Variants in SUPT3H observed in about 807,000 individuals in gnomAD.
SUPT3H encodes SPT3 homolog, SAGA and STAGA complex component.
In SUPT3H, 44 loss-of-function variants were observed where a neutral mutation model predicts 44.3. The observed-to-expected ratio is 0.99, with a 90% CI of 0.78 to 1.28. The LOEUF (loss-of-function observed/expected upper bound fraction) is 1.28. Among genes scored for constraint, SUPT3H ranks in the 50% most tolerant of loss-of-function variants. The pLI is 0.00. For synonymous variants in SUPT3H, 124 were observed against 125.6 expected (o/e 0.99, Z 0.09); for missense variants, 380 against 387.1 (o/e 0.98, Z 0.15).
intron 2 of SUPT3H, among the ~76,000 whole-genome samples, chr6:45,314,813 A>G (rs1417172548): frequency 2.0e-5 from 3 of 152,190 alleles, no homozygotes; most frequent in Non-Finnish European, 4.4e-5. Flanking sequence ...GAACCAAAAA[A>G]GAGCCCACAT....
At position 45,168,651 on chromosome 6, in the gene SUPT3H, C is replaced by A. The variant is rs74867497; in HGVS notation, c.102-62645G>T. Among the ~76,000 whole-genome samples, 136 of 152,222 alleles carry A rather than the reference C, an allele frequency of 8.9e-4. 2 individuals are homozygous for A. The East Asian group carries it at 0.018, about 20-fold the overall frequency. On this transcript the variant is annotated intron_variant, in intron 2 of 10. Transcript: ENST00000371459. ...CATCTGTTTTTAAATTACTTATAAA[C>A]CCTGAGCCTAAATCTCTAATTCCAT...
chr6:44,817,130 C>CCA (rs113166419), intron 11 of SUPT3H, among the ~76,000 whole-genome samples: 38,756 of 140,620 alleles, frequency 0.28, 5,213 homozygotes, highest in Non-Finnish European at 0.31. Context: ...ACACACATGC[C>CCA]CACACACACG....
chr6:45,330,786 G>C (rs989720232), intron 2 of SUPT3H, among the ~76,000 whole-genome samples: 10 of 150,824 alleles, frequency 6.6e-5, no homozygotes, highest in African/African-American at 2.4e-4. Context: ...TTCCCTCCCC[G>C]CCAGCCCCCA....
chr6:44,998,562 C>G (rs1323417802), intron 6 of SUPT3H, among the ~76,000 whole-genome samples: 1 of 151,788 alleles, frequency 6.6e-6, no homozygotes, highest in South Asian at 2.1e-4. Flanking sequence ...TCCTTGAACT[C>G]TGGCAAATAA....
chr6:45,315,780 A>G (rs113473052), intron 2 of SUPT3H, among the ~76,000 whole-genome samples: 5,028 of 152,326 alleles, frequency 0.033, 121 homozygotes, highest in Non-Finnish European at 0.05. Context: ...ATTACTGGGT[A>G]TCTACCCTGA....
At chr6:45,068,576 C>G (rs1018825863) in intron 3 of SUPT3H, among the ~76,000 whole-genome samples, 1 of 152,082 alleles carries the variant, frequency 6.6e-6, no homozygotes, top group Non-Finnish European at 1.5e-5. Flanking sequence ...GAAAACATAA[C>G]ATGATTTGTT....
intron 2 of SUPT3H, among the ~76,000 whole-genome samples, chr6:45,315,931 AG>A (rs1784611165): frequency 7.9e-6 from 1 of 126,334 alleles, no homozygotes; most frequent in Non-Finnish European, 1.8e-5. Context: ...ACAGATAGAT[AG>A]ATAGATAGAT....
At chr6:44,870,798 G>A (rs1032515114) in intron 10 of SUPT3H, among the ~76,000 whole-genome samples, 1 of 150,986 alleles carries the variant, frequency 6.6e-6, no homozygotes, top group African/African-American at 2.4e-5. Flanking sequence ...CGCGCACCCT[G>A]CGCGAGCTGA....
intron 2 of SUPT3H, among the ~76,000 whole-genome samples, chr6:45,276,107 G>A (rs923846157): frequency 3.3e-5 from 5 of 151,656 alleles, no homozygotes; most frequent in East Asian, 3.9e-4. Context: ...TGCTAACAAC[G>A]CACTAAAATA....
rs573907667 is a variant in SUPT3H at position 45,332,284 on chromosome 6, T to G, written c.101+32917A>C. ...GCTGCTCACATGAAAACTGTGGTAA[T>G]ATTTTTATACTGTACTTCTTTGTTG... On this transcript the variant is annotated intron_variant, in intron 2 of 10. Coordinates refer to ENST00000371459, the MANE Select transcript of SUPT3H (RefSeq NM_003599.4). Among the ~76,000 whole-genome samples the G allele has an allele frequency of 4.6e-5, 7 of 151,862 alleles. No individual in the cohort carries two copies. In the South Asian group the frequency reaches 1.2e-3, roughly 27 times the overall value.
rs1245591291 is a variant in SUPT3H, at chr6:45,149,586, A to G, written c.102-43580T>C. On this transcript the variant is annotated intron_variant, in intron 2 of 10. Transcript: ENST00000371459. The stretch of plus-strand genomic sequence containing the variant: ...AAAATTATCTCTCCAATGCTTAAGT[A>G]GAAGAAAAGCTGAAATCACATAAAA... Among the ~76,000 whole-genome samples the G allele has an allele frequency of 2.0e-5, 3 of 152,186 alleles. No homozygotes were observed. In the East Asian group the frequency reaches 5.8e-4, roughly 29 times the overall value.
chr6:44,968,730 A>G (rs1257186900), intron 6 of SUPT3H, among the ~76,000 whole-genome samples: 1 of 152,130 alleles, frequency 6.6e-6, no homozygotes, highest in African/African-American at 2.4e-5. Flanking sequence ...GCCCTCGTAC[A>G]TTGTAAGATT....
At chr6:45,277,950 A>G (rs1777298777) in intron 2 of SUPT3H, among the ~76,000 whole-genome samples, 1 of 152,226 alleles carries the variant, frequency 6.6e-6, no homozygotes, top group Non-Finnish European at 1.5e-5. Context: ...GCAGCCATAA[A>G]AAAGGATGTG....
In SUPT3H at chr6:44,920,528, T is replaced by C. The variant is rs1768522964; in HGVS notation, c.912+12125A>G. 2.2e-5 allele frequency among the ~76,000 whole-genome samples: 3 copies of C among 138,272 alleles called. No homozygotes were observed. In the South Asian group the frequency reaches 6.6e-4, roughly 30 times the overall value. The allele number at this position is 138,272 out of a possible 152,430, so 90.7% of individuals were successfully genotyped here. On this transcript the variant is annotated intron_variant, in intron 10 of 10. Transcript: ENST00000371459. ...AGTGAGCTATTACTGCACTACTGCA[T>C]CACAGCCTGGGTGATAGAATGGGAC...
intron 2 of SUPT3H, among the ~76,000 whole-genome samples, chr6:45,150,704 A>C (rs1046273896): frequency 5.0e-4 from 72 of 145,092 alleles, no homozygotes; most frequent in African/African-American, 1.7e-3. Context: ...ACTTCTACTT[A>C]TAATCTTTAT....
intron 2 of SUPT3H, among the ~76,000 whole-genome samples, chr6:45,278,021 C>A (rs995218653): frequency 6.6e-6 from 1 of 151,040 alleles, no homozygotes; most frequent in East Asian, 2.0e-4. Flanking sequence ...CAAACTAACA[C>A]AGGAACAGAA....
At chr6:45,130,673 A>G (rs1411728091) in intron 2 of SUPT3H, among the ~76,000 whole-genome samples, 1 of 150,166 alleles carries the variant, frequency 6.7e-6, no homozygotes, top group Non-Finnish European at 1.5e-5. Context: ...CTTACAGGAA[A>G]AAGACAAAGG....
At chr6:44,953,464 A>C (rs1372748273) in intron 8 of SUPT3H, 47 bp from the exon 9 acceptor site, 2 of 1,504,998 alleles carry the variant, frequency 1.3e-6, no homozygotes, top group Non-Finnish European at 1.8e-6. Flanking sequence ...AATAATCATG[A>C]ATGCCACTGA....
rs776630523 is a variant in SUPT3H at position 44,932,690 on chromosome 6, C to T, written c.875G>A (p.Arg292His). ...QPCHIREAIR[R>H]YSHRIGPLSP... ...AAGTGGGCCAATCCTGTGGCTGTAGCGTCGAATGGCCTCTCTGATGTGGCA... is the reference window on the plus strand; with the variant it reads ...AAGTGGGCCAATCCTGTGGCTGTAGTGTCGAATGGCCTCTCTGATGTGGCA... The change falls in exon 10 of 11, where the codon CGC becomes CAC. Residue 292 changes from arginine (R) to histidine (H), a missense_variant. Coordinates refer to ENST00000371459, the MANE Select transcript of SUPT3H (RefSeq NM_003599.4). 1.6e-5 allele frequency: 25 copies of T among 1,611,430 alleles called. No homozygotes were observed. The highest frequency in any genetic ancestry group is 1.9e-5 in the Non-Finnish European group (22 of 1,178,938).
Sources: allele counts gnomAD v4.1 joint callset (sites outside exome capture counted in the v4.1 genomes callset), GRCh38; gene constraint gnomAD v4.1.1; transcripts MANE v1.5; gene names NCBI Gene and HGNC (gene_info 2026-07-23, HGNC 2026-07-21).